PCSK2: variants seen among roughly 807,000 people sequenced by gnomAD.
PCSK2 encodes neuroendocrine convertase 2.
A neutral mutation model predicts 69.7 loss-of-function variants in PCSK2; 14 were observed. That is an observed-to-expected ratio of 0.20 (90% CI 0.13 to 0.31). The LOEUF (loss-of-function observed/expected upper bound fraction) is 0.31, where lower values mean the gene tolerates loss of function less well. PCSK2 is among the 10% of genes least tolerant of loss of function. PCSK2 has a pLI of 1.00. For missense variants in PCSK2, 544 were observed against 842.5 expected (o/e 0.65, Z 4.39); for synonymous variants, 307 against 320.7 (o/e 0.96, Z 0.46).
At chr20:17,318,819 T>C (rs903493233) in intron 2 of PCSK2, among the ~76,000 whole-genome samples, 1 of 152,116 alleles carries the variant, frequency 6.6e-6, no homozygotes, top group Non-Finnish European at 1.5e-5. Context: ...TTCAGGGAGA[T>C]AGAGAGAAAT....
chr20:17,394,238 A>G (rs1052857823), intron 5 of PCSK2, among the ~76,000 whole-genome samples: 2 of 152,248 alleles, frequency 1.3e-5, no homozygotes, highest in Non-Finnish European at 2.9e-5. Flanking sequence ...ATAATGTCAA[A>G]TGATACTGAC....
intron 2 of PCSK2, among the ~76,000 whole-genome samples, chr20:17,280,893 G>A (rs191256628): frequency 6.6e-5 from 10 of 152,208 alleles, no homozygotes; most frequent in Middle Eastern, 3.4e-3. Flanking sequence ...CAGTTGTTCC[G>A]ATTTGCTTTT....
chr20:17,252,825 C>A (rs879878884), intron 1 of PCSK2, among the ~76,000 whole-genome samples: 2 of 152,246 alleles, frequency 1.3e-5, no homozygotes, highest in East Asian at 3.9e-4. Context: ...TAGAAAAATG[C>A]ACAAAAGAGA....
chr20:17,402,793 A>G (rs1281806048), intron 5 of PCSK2, among the ~76,000 whole-genome samples: 1 of 152,046 alleles, frequency 6.6e-6, no homozygotes, highest in Non-Finnish European at 1.5e-5. Context: ...CTCTACTAAA[A>G]GTACAAAAAC....
intron 5 of PCSK2, among the ~76,000 whole-genome samples, chr20:17,370,095 C>G (rs538048907): frequency 3.3e-5 from 5 of 152,288 alleles, no homozygotes; most frequent in African/African-American, 1.2e-4. Context: ...GAATCGATCA[C>G]TTATTTTAAC....
intron 7 of PCSK2, among the ~76,000 whole-genome samples, chr20:17,432,518 T>G (rs546286531): frequency 6.9e-4 from 105 of 152,372 alleles, no homozygotes; most frequent in Admixed American, 4.2e-3. Flanking sequence ...TGAAAATGCC[T>G]TTATTCAAGT....
intron 2 of PCSK2, among the ~76,000 whole-genome samples, chr20:17,341,760 G>C (rs1990515439): frequency 6.6e-6 from 1 of 152,188 alleles, no homozygotes; most frequent in South Asian, 2.1e-4. Flanking sequence ...GCAGAAAACT[G>C]TTTTTAAGAG....
chr20:17,461,993 A>G (rs1321090448), intron 10 of PCSK2, among the ~76,000 whole-genome samples: 1 of 152,202 alleles, frequency 6.6e-6, no homozygotes, highest in Non-Finnish European at 1.5e-5. Flanking sequence ...ACTTCCTAAG[A>G]GATGCTTGCT....
At chr20:17,245,742 A>C (rs1269143108) in intron 1 of PCSK2, among the ~76,000 whole-genome samples, 1 of 152,068 alleles carries the variant, frequency 6.6e-6, no homozygotes, top group African/African-American at 2.4e-5. Flanking sequence ...TGTGCTTAGC[A>C]GAGTCCTAGA....
At position 17,397,461 on chromosome 20, in the gene PCSK2, T is replaced by G. The variant is rs193039739; in HGVS notation, c.544-11802T>G. 3.9e-3 allele frequency among the ~76,000 whole-genome samples: 585 copies of G among 149,276 alleles called. 5 individuals are homozygous for G. Among genetic ancestry groups the G allele is most frequent in the African/African-American group, 0.014 (573 of 40,494 alleles). On this transcript the variant is annotated intron_variant, in intron 5 of 11. Transcript: ENST00000262545. The stretch of plus-strand genomic sequence containing the variant: ...ATCAATCCCTCCAGCAGCCCTCAAC[T>G]ACCAGAAGCACAAAAATTCAATATA...
chr20:17,445,542 G>C (rs181350444), intron 8 of PCSK2, among the ~76,000 whole-genome samples: 1 of 152,194 alleles, frequency 6.6e-6, no homozygotes, highest in East Asian at 1.9e-4. Context: ...GTATGGACAG[G>C]GACCACTTAC....
At chr20:17,450,995 C>G (rs969528896) in intron 8 of PCSK2, among the ~76,000 whole-genome samples, 1 of 152,116 alleles carries the variant, frequency 6.6e-6, no homozygotes, top group Non-Finnish European at 1.5e-5. Context: ...TTTCTGCCCC[C>G]AGAACTAGAG....
chr20:17,269,014 T>C (rs1366878591), intron 2 of PCSK2, among the ~76,000 whole-genome samples: 1 of 152,166 alleles, frequency 6.6e-6, no homozygotes, highest in African/African-American at 2.4e-5. Context: ...TACTATAGAA[T>C]GAAATGGCAC....
chr20:17,442,058 G>A (rs930096880), intron 8 of PCSK2, among the ~76,000 whole-genome samples: 3 of 150,936 alleles, frequency 2.0e-5, no homozygotes, highest in African/African-American at 7.3e-5. Context: ...GGCACAGATA[G>A]GCATACAGGG....
chr20:17,272,109 C>T (rs952880689), intron 2 of PCSK2, among the ~76,000 whole-genome samples: 1 of 152,052 alleles, frequency 6.6e-6, no homozygotes, highest in Non-Finnish European at 1.5e-5. Flanking sequence ...GTTATCATGC[C>T]CCCTGGACCT....
intron 5 of PCSK2, among the ~76,000 whole-genome samples, chr20:17,401,512 G>A (rs2031636862): frequency 6.6e-6 from 1 of 152,072 alleles, no homozygotes; most frequent in South Asian, 2.1e-4. Flanking sequence ...ACACACAGGG[G>A]GTTATATGTC....
At chr20:17,282,853 C>T (rs1461057044) in intron 2 of PCSK2, among the ~76,000 whole-genome samples, 1 of 151,860 alleles carries the variant, frequency 6.6e-6, no homozygotes, top group Non-Finnish European at 1.5e-5. Context: ...GAGAATGAGT[C>T]TGAGGGAGGC....
At chr20:17,351,956 A>G (rs1311999681) in intron 2 of PCSK2, among the ~76,000 whole-genome samples, 2 of 152,152 alleles carry the variant, frequency 1.3e-5, no homozygotes, top group Non-Finnish European at 2.9e-5. Context: ...AACCCTAAAG[A>G]CTCAACCAAA....
intron 4 of PCSK2, among the ~76,000 whole-genome samples, chr20:17,366,879 T>C (rs923229596): frequency 6.6e-6 from 1 of 152,196 alleles, no homozygotes; most frequent in Non-Finnish European, 1.5e-5. Context: ...TGCTCCAGTA[T>C]TTTCCCTTGA....
Sources: gnomAD v4.1 joint callset for allele counts (sites outside exome capture counted in the v4.1 genomes callset) on GRCh38, gnomAD v4.1.1 for gene constraint, MANE v1.5 for transcripts, NCBI Gene and HGNC (gene_info 2026-07-23, HGNC 2026-07-21) for gene names.